Variants in JHY observed in about 807,000 individuals in gnomAD.
The protein encoded by JHY is jhy protein homolog.
Under a neutral mutation model 78.0 loss-of-function variants are expected in JHY, and 69 were observed. The ratio of observed to expected loss-of-function variants is 0.88; its 90% CI spans 0.73 to 1.08. The LOEUF (loss-of-function observed/expected upper bound fraction) is 1.08. Among genes scored for constraint, JHY ranks in the 50% least tolerant of loss-of-function variants. JHY has a pLI of 0.00. For synonymous variants in JHY, 368 were observed against 342.6 expected (o/e 1.07, Z -0.82); for missense variants, 944 against 927.8 (o/e 1.02, Z -0.23).
chr11:122,956,435 G>A (rs1864191065), intron 6 of JHY, 61 bp from the exon 7 acceptor site: 11 of 1,464,266 alleles, frequency 7.5e-6, no homozygotes, highest in Admixed American at 5.1e-5. Flanking sequence ...CTTACAGGGT[G>A]TTAGGAGTCG....
At chr11:122,930,275 T>A (rs1018591559) in intron 4 of JHY, among the ~76,000 whole-genome samples, 2 of 152,074 alleles carry the variant, frequency 1.3e-5, no homozygotes, top group Non-Finnish European at 2.9e-5. Flanking sequence ...GAGACAGGGT[T>A]TCACCATGTT....
chr11:122,896,661 G>T (rs1862746196), intron 2 of JHY, among the ~76,000 whole-genome samples: 1 of 152,070 alleles, frequency 6.6e-6, no homozygotes, highest in Non-Finnish European at 1.5e-5. Context: ...TAAGCCCTGG[G>T]GAGAGAAGAA....
At chr11:122,943,126 C>T (rs552236056) in intron 5 of JHY, among the ~76,000 whole-genome samples, 31 of 152,352 alleles carry the variant, frequency 2.0e-4, no homozygotes, top group African/African-American at 7.2e-4. Flanking sequence ...CTTCCTGCCT[C>T]AGCCCCTTGA....
chr11:122,896,054 A>G (rs536651996), intron 2 of JHY, among the ~76,000 whole-genome samples: 2 of 152,314 alleles, frequency 1.3e-5, no homozygotes, highest in Admixed American at 6.5e-5. Flanking sequence ...TAAAACTCTT[A>G]TAAGAGCCAC....
chr11:122,901,010 CAG>C (rs761509053), intron 2 of JHY, among the ~76,000 whole-genome samples: 1 of 152,150 alleles, frequency 6.6e-6, no homozygotes, highest in African/African-American at 2.4e-5. Context: ...TGCCTGATGA[CAG>C]GGGTACGTTC....
chr11:122,926,668 A>G (rs1366566809), intron 4 of JHY, among the ~76,000 whole-genome samples: 1 of 152,232 alleles, frequency 6.6e-6, no homozygotes, highest in Non-Finnish European at 1.5e-5. Flanking sequence ...GAGCTTGGTC[A>G]ACAGGAACCA....
chr11:122,924,957 A>T lies in JHY; in HGVS notation c.925A>T (p.Asn309Tyr). ...TSIQNAKEMENAAIDPEDKWH... is the reference protein window; with the variant it reads ...TSIQNAKEMEYAAIDPEDKWH... ...TATTCAGAATGCCAAGGAAATGGAAAATGCTGCCATCGATCCTGAAGATAA... is the reference window on the plus strand; with the variant it reads ...TATTCAGAATGCCAAGGAAATGGAATATGCTGCCATCGATCCTGAAGATAA... The change falls in exon 4 of 9, where the codon AAT (asparagine) becomes TAT (tyrosine). Residue 309 changes from asparagine (N) to tyrosine (Y), a missense_variant. Transcript: ENST00000227349. The T allele has an allele frequency of 6.2e-7, 1 of 1,614,162 alleles. No homozygotes were observed. Among genetic ancestry groups the T allele is most frequent in the East Asian group, 2.2e-5 (1 of 44,876 alleles).
At chr11:122,919,545 A>C (rs1036890061) in intron 3 of JHY, among the ~76,000 whole-genome samples, 1 of 152,176 alleles carries the variant, frequency 6.6e-6, no homozygotes, top group African/African-American at 2.4e-5. Flanking sequence ...ACCCGAGGCC[A>C]CAGGGCCTTA....
In JHY at chr11:122,959,985, G is replaced by GC. The variant is rs1864278100; in HGVS notation, c.*541dup. ...ACAGTGGCTCACGCCTGTAATCCCA[G>GC]CACTTTGGGAAGCTGAGGCAGTTGA... On this transcript the variant is annotated 3_prime_UTR_variant, in exon 9 of 9. Transcript: ENST00000227349. 6.6e-6 allele frequency among the ~76,000 whole-genome samples: 1 copy of GC among 152,166 alleles called. No individual in the cohort carries two copies. Among genetic ancestry groups the GC allele is most frequent in the African/African-American group, 2.4e-5 (1 of 41,432 alleles).
rs568059488 is a variant in JHY, at chr11:122,922,765, G to C, written c.865-2132G>C. On this transcript the variant is annotated intron_variant, in intron 3 of 8. Coordinates refer to ENST00000227349, the MANE Select transcript of JHY (RefSeq NM_024806.4). ...GCGGAGCTTGCAGTGAGCCGAGATTGTGCCACTGCACTCCAGCCTGGGCAA... is the reference window on the plus strand; with the variant it reads ...GCGGAGCTTGCAGTGAGCCGAGATTCTGCCACTGCACTCCAGCCTGGGCAA... 2.2e-5 allele frequency among the ~76,000 whole-genome samples: 3 copies of C among 136,946 alleles called. No homozygotes were observed. In the South Asian group the frequency reaches 7.2e-4, roughly 33 times the overall value. 89.8% of individuals were successfully genotyped at this position (136,946 alleles called of 152,430 possible).
intron 2 of JHY, among the ~76,000 whole-genome samples, chr11:122,888,967 T>C (rs955205582): frequency 2.6e-5 from 4 of 152,234 alleles, no homozygotes; most frequent in Non-Finnish European, 4.4e-5. Flanking sequence ...GCTCTGTGCA[T>C]GTCCTCGTGT....
intron 2 of JHY, among the ~76,000 whole-genome samples, chr11:122,886,535 T>A (rs969991387): frequency 2.0e-5 from 3 of 152,214 alleles, no homozygotes; most frequent in Non-Finnish European, 4.4e-5. Context: ...CTTGATTTGG[T>A]CCAGGCGTTG....
intron 6 of JHY, among the ~76,000 whole-genome samples, chr11:122,949,382 G>T (rs939158135): frequency 6.6e-6 from 1 of 152,142 alleles, no homozygotes; most frequent in Non-Finnish European, 1.5e-5. Flanking sequence ...GGTGTGCAGG[G>T]CAGATGCAAG....
At chr11:122,924,852 T>A in intron 3 of JHY, 45 bp from the exon 4 acceptor site, 1 of 1,497,624 alleles carries the variant, frequency 6.7e-7, no homozygotes, top group Non-Finnish European at 9.3e-7. Flanking sequence ...GCTCTAAGAC[T>A]AAAATGAATC....
chr11:122,892,231 A>G (rs1862632785), intron 2 of JHY, among the ~76,000 whole-genome samples: 1 of 152,002 alleles, frequency 6.6e-6, no homozygotes, highest in Non-Finnish European at 1.5e-5. Flanking sequence ...TTATAAATTA[A>G]TAGGAGGGAG....
chr11:122,887,955 C>T lies in JHY; in HGVS notation c.344+1762C>T, dbSNP rs371925978. Among the ~76,000 whole-genome samples the T allele has an allele frequency of 1.5e-3, 235 of 152,294 alleles. 2 individuals are homozygous for T. The highest frequency in any genetic ancestry group is 5.3e-3 in the African/African-American group (222 of 41,572). ...ACTCAAATGATTTGTCCTTGGGATACAGTCACTGCAAGGGCTCGTGTGGGA... is the reference window on the plus strand; with the variant it reads ...ACTCAAATGATTTGTCCTTGGGATATAGTCACTGCAAGGGCTCGTGTGGGA... On this transcript the variant is annotated intron_variant, in intron 2 of 8. Transcript: ENST00000227349.
At chr11:122,893,080 C>T (rs946408520) in intron 2 of JHY, among the ~76,000 whole-genome samples, 12 of 152,058 alleles carry the variant, frequency 7.9e-5, no homozygotes, top group Non-Finnish European at 1.6e-4. Flanking sequence ...AATTTAAGGC[C>T]ATTGTTTTGC....
At position 122,959,413 on chromosome 11, in the gene JHY, G is replaced by C; in HGVS notation, c.2305G>C (p.Val769Leu). ...CAGACACGAAAGGGAAAAACAGGCT[G>C]TGGCTGCTTTCAAAGTCCTTCACAT... ...QNRHEREKQA[V>L]AAFKVLHIV is the part of the protein sequence containing the mutation. The change falls in exon 9 of 9, where the codon GTG becomes CTG. Residue 769 changes from valine to leucine, a missense_variant. Physicochemically the swap from Val to Leu is conservative, Grantham distance 32. Transcript: ENST00000227349. The C allele has an allele frequency of 6.2e-7, 1 of 1,614,132 alleles. No individual in the cohort carries two copies. Among genetic ancestry groups the C allele is most frequent in the Non-Finnish European group, 8.5e-7 (1 of 1,179,992 alleles).
intron 6 of JHY, among the ~76,000 whole-genome samples, chr11:122,953,419 A>G (rs557603517): frequency 2.0e-5 from 3 of 152,194 alleles, no homozygotes; most frequent in South Asian, 2.1e-4. Flanking sequence ...CCTGGCCAAC[A>G]TGGTGAAACC....
Sources: allele counts gnomAD v4.1 joint callset (sites outside exome capture counted in the v4.1 genomes callset), GRCh38; gene constraint gnomAD v4.1.1; transcripts MANE v1.5; gene names NCBI Gene and HGNC (gene_info 2026-07-23, HGNC 2026-07-21).